The following MACROD1 variants were observed in gnomAD, a reference collection of about 807,000 sequenced individuals.
MACROD1 encodes the protein mono-ADP ribosylhydrolase 1, also known as ADP-ribose glycohydrolase MACROD1.
MACROD1 carries 31 observed loss-of-function variants against 41.4 expected under a neutral mutation model. That is an observed-to-expected ratio of 0.75 (90% confidence interval 0.56 to 1.01). The LOEUF (loss-of-function observed/expected upper bound fraction) is 1.01, where lower values mean the gene tolerates loss of function less well. Ranked by LOEUF, MACROD1 falls within the 50% of genes least tolerant of loss-of-function variation. The pLI is 0.00. For missense variants in MACROD1, 473 were observed against 460.0 expected, an observed-to-expected ratio of 1.03 and a Z score of -0.26; for synonymous variants, 252 against 203.4, an observed-to-expected ratio of 1.24 and a Z score of -2.03.
intron 3 of MACROD1, among the ~76,000 whole-genome samples, chr11:64,041,133 C>G (rs1271737396): frequency 6.8e-6 from 1 of 146,502 alleles, no homozygotes; most frequent in African/African-American, 2.5e-5. Flanking sequence ...ATTTTTTTCA[C>G]GCCCCTTTCC....
intron 3 of MACROD1, among the ~76,000 whole-genome samples, chr11:64,038,945 G>A (rs531155630): frequency 2.0e-5 from 3 of 152,340 alleles, no homozygotes; most frequent in South Asian, 4.1e-4. Context: ...ACGTTGAGAG[G>A]ATGCGTATGA....
chr11:64,080,587 C>T (rs572597574), intron 3 of MACROD1, among the ~76,000 whole-genome samples: 1 of 152,298 alleles, frequency 6.6e-6, no homozygotes, highest in South Asian at 2.1e-4. Flanking sequence ...CAGTACAGTG[C>T]TCAACACGTA....
intron 4 of MACROD1, among the ~76,000 whole-genome samples, chr11:64,013,315 T>C (rs1943039955): frequency 6.6e-6 from 1 of 151,988 alleles, no homozygotes; most frequent in South Asian, 2.1e-4. Flanking sequence ...GCAGCTGCAA[T>C]TTCAGCTAGG....
intron 3 of MACROD1, among the ~76,000 whole-genome samples, chr11:64,127,291 G>A (rs1170203703): frequency 1.3e-5 from 2 of 152,180 alleles, no homozygotes; most frequent in East Asian, 1.9e-4. Context: ...TAACTTTTAC[G>A]GTCATCTCTT....
intron 3 of MACROD1, among the ~76,000 whole-genome samples, chr11:64,135,651 C>T (rs1273846438): frequency 2.0e-5 from 3 of 152,216 alleles, no homozygotes; most frequent in African/African-American, 4.8e-5. Flanking sequence ...CCCAGAGTAA[C>T]GGCTGCCAGG....
At position 64,122,104 on chromosome 11, in the gene MACROD1, T is replaced by G. The variant is rs764705244; in HGVS notation, c.517+29135A>C. ...CAGGCGTGGGGCCCAATGTATGGAA[T>G]GCTTAAGAGATTACTAAAAATAAAA... On this transcript the variant is annotated intron_variant, in intron 3 of 10. Coordinates refer to ENST00000255681, the MANE Select transcript of MACROD1 (RefSeq NM_014067.4). The surrounding 1 kb of genome is among the most constrained non-coding windows in gnomAD (Gnocchi z 4.0). 1.3e-5 allele frequency among the ~76,000 whole-genome samples: 2 copies of G among 152,236 alleles called. No homozygotes were observed. The highest frequency in any genetic ancestry group is 2.9e-5 in the Non-Finnish European group (2 of 68,044).
At chr11:64,059,829 G>A (rs1590852185) in intron 3 of MACROD1, among the ~76,000 whole-genome samples, 2 of 152,356 alleles carry the variant, frequency 1.3e-5, no homozygotes, top group Admixed American at 1.3e-4. Flanking sequence ...GACCCCGAGA[G>A]GCCCGCCCCT....
At chr11:64,138,124 C>T (rs1012002069) in intron 3 of MACROD1, among the ~76,000 whole-genome samples, 2 of 152,182 alleles carry the variant, frequency 1.3e-5, no homozygotes, top group Admixed American at 6.5e-5. Context: ...TGTATCCCGG[C>T]CAAGGTCACA....
rs573433638 is a variant in MACROD1, at chr11:64,146,215, G to T, written c.517+5024C>A. 6.6e-6 allele frequency among the ~76,000 whole-genome samples: 1 copy of T among 152,138 alleles called. No homozygotes were observed. Among genetic ancestry groups the T allele is most frequent in the Non-Finnish European group, 1.5e-5 (1 of 68,014 alleles). ...GCCTAGTCAAGGTCACTGCACCCCC[G>T]TGGTAAAAAGGAGACATAAACACCC... On this transcript the variant is annotated intron_variant, in intron 3 of 10. Transcript: ENST00000255681. This position sits in a 1 kb window ranked among gnomAD's most constrained non-coding sequence, Gnocchi z 4.7.
At chr11:64,112,440 G>C (rs1944879552) in intron 3 of MACROD1, among the ~76,000 whole-genome samples, 1 of 152,192 alleles carries the variant, frequency 6.6e-6, no homozygotes, top group African/African-American at 2.4e-5. Context: ...CTTGAACCTG[G>C]GAGGCGGAGG....
In MACROD1 at chr11:64,146,486, T is replaced by A. The variant is rs1310600186; in HGVS notation, c.517+4753A>T. On this transcript the variant is annotated intron_variant, in intron 3 of 10. Transcript: ENST00000255681. This position sits in a 1 kb window ranked among gnomAD's most constrained non-coding sequence, Gnocchi z 4.7. ...GACACAGATGGCAGGAACCTGAGACTCTCCCGGGTGCTACCCAAGCAAGTG... is the reference window on the plus strand; with the variant it reads ...GACACAGATGGCAGGAACCTGAGACACTCCCGGGTGCTACCCAAGCAAGTG... 6.6e-6 allele frequency among the ~76,000 whole-genome samples: 1 copy of A among 151,982 alleles called. No individual in the cohort carries two copies. Among genetic ancestry groups the A allele is most frequent in the African/African-American group, 2.4e-5 (1 of 41,348 alleles).
At chr11:64,145,178 T>C (rs562413267) in intron 3 of MACROD1, among the ~76,000 whole-genome samples, 1 of 152,310 alleles carries the variant, frequency 6.6e-6, no homozygotes, top group South Asian at 2.1e-4. Context: ...TCATGACTTA[T>C]TTTAAATAAA....
At chr11:63,999,875 G>T (rs1942789662) in intron 5 of MACROD1, 112 bp from the exon 6 acceptor site, 2 of 1,259,460 alleles carry the variant, frequency 1.6e-6, no homozygotes, top group Non-Finnish European at 1.1e-6. Context: ...CCCCCCAAGC[G>T]CTGAGCCTCC....
At chr11:64,062,464 G>C (rs1261376144) in intron 3 of MACROD1, among the ~76,000 whole-genome samples, 3 of 152,174 alleles carry the variant, frequency 2.0e-5, no homozygotes, top group Non-Finnish European at 2.9e-5. Context: ...CTCACACAGG[G>C]CTGCAGGAAG....
At chr11:64,097,402 C>T (rs567831426) in intron 3 of MACROD1, among the ~76,000 whole-genome samples, 55 of 152,352 alleles carry the variant, frequency 3.6e-4, no homozygotes, top group African/African-American at 1.3e-3. Flanking sequence ...GGAGATGTCC[C>T]GTGGCAAGAG....
chr11:64,010,697 A>AGGG (rs1942997090), intron 4 of MACROD1, among the ~76,000 whole-genome samples: 5 of 135,018 alleles, frequency 3.7e-5, no homozygotes, highest in South Asian at 4.9e-4. Context: ...GTTGGCTGGC[A>AGGG]TGTTGGCTGG....
intron 5 of MACROD1, 186 bp from the exon 6 acceptor site, chr11:63,999,949 G>A: frequency 1.4e-6 from 1 of 709,280 alleles, no homozygotes; most frequent in South Asian, 1.9e-5. Flanking sequence ...ACAGAGCCCC[G>A]CGCCCCCTCC....
chr11:64,020,913 C>T (rs1446714677), intron 3 of MACROD1, among the ~76,000 whole-genome samples: 1 of 152,080 alleles, frequency 6.6e-6, no homozygotes, highest in African/African-American at 2.4e-5. Context: ...GACGGGGTTT[C>T]ACCATGTTGG....
intron 3 of MACROD1, among the ~76,000 whole-genome samples, chr11:64,056,157 G>C (rs1243656947): frequency 6.6e-6 from 1 of 152,126 alleles, no homozygotes; most frequent in Non-Finnish European, 1.5e-5. Flanking sequence ...CGCCCACTTT[G>C]CTCCCATCTT....
Sources: allele counts gnomAD v4.1 joint callset (sites outside exome capture counted in the v4.1 genomes callset), GRCh38; gene constraint gnomAD v4.1.1; non-coding constraint Gnocchi (gnomAD v3.1); transcripts MANE v1.5; gene names NCBI Gene and HGNC (gene_info 2026-07-23, HGNC 2026-07-21).